The following DIAPH2 variants were observed in gnomAD, a reference collection of about 807,000 sequenced individuals.
DIAPH2 encodes protein diaphanous homolog 2.
A neutral mutation model predicts 92.7 loss-of-function variants in DIAPH2; 35 were observed. That is an observed-to-expected ratio of 0.38 (90% confidence interval 0.29 to 0.50). The LOEUF (loss-of-function observed/expected upper bound fraction) is 0.50, where lower values mean the gene tolerates loss of function less well. Ranked by LOEUF, DIAPH2 falls within the 20% of genes least tolerant of loss-of-function variation. The probability of loss-of-function intolerance (pLI) is 0.94; values close to 1 mark genes in which losing one functional copy is unlikely to be tolerated. For missense variants in DIAPH2, 701 were observed against 819.5 expected (o/e 0.86, Z 1.77); for synonymous variants, 301 against 280.4 (o/e 1.07, Z -0.73).
At chrX:96,885,004 G>A in intron 5 of DIAPH2, 1 of 1,210,916 alleles carries the variant, frequency 8.3e-7, no homozygotes, top group Non-Finnish European at 1.1e-6. Context: ...CGACCTTAGC[G>A]TCAAGGCCAT....
chrX:97,380,849 T>C (rs762368954), intron 24 of DIAPH2, among the ~76,000 whole-genome samples: 2 of 112,126 alleles, frequency 1.8e-5, no homozygotes, highest in Non-Finnish European at 3.8e-5. Context: ...TGTAGATGTT[T>C]TCATTTACTG....
At chrX:97,570,821 C>T (rs1439060129) in intron 26 of DIAPH2, among the ~76,000 whole-genome samples, 2 of 111,337 alleles carry the variant, frequency 1.8e-5, no homozygotes, top group Non-Finnish European at 3.8e-5. Context: ...CCATTGCTAC[C>T]AAAGTTAGTT....
At chrX:97,447,728 T>A (rs1875723210) in intron 26 of DIAPH2, among the ~76,000 whole-genome samples, 1 of 111,444 alleles carries the variant, frequency 9.0e-6, no homozygotes, top group Non-Finnish European at 1.9e-5. Flanking sequence ...CAAACCACCG[T>A]TACATTTTTT....
intron 26 of DIAPH2, among the ~76,000 whole-genome samples, chrX:97,484,999 A>G (rs1277811901): frequency 8.9e-6 from 1 of 112,757 alleles, no homozygotes; most frequent in African/African-American, 3.2e-5. Flanking sequence ...CATAGAGCAG[A>G]ACATTCTTAT....
chrX:97,239,183 A>T (rs1160994722), intron 22 of DIAPH2, among the ~76,000 whole-genome samples: 2 of 111,736 alleles, frequency 1.8e-5, no homozygotes, highest in East Asian at 2.8e-4. Flanking sequence ...TTTTTCTTGC[A>T]TGCATATCTG....
chrX:97,202,747 C>T (rs1402547112), intron 22 of DIAPH2, among the ~76,000 whole-genome samples: 2 of 111,569 alleles, frequency 1.8e-5, no homozygotes, highest in African/African-American at 6.5e-5. Context: ...GACTTTAACA[C>T]CCCACTGTCA....
At chrX:97,188,040 T>C (rs1234887745) in intron 22 of DIAPH2, among the ~76,000 whole-genome samples, 2 of 111,579 alleles carry the variant, frequency 1.8e-5, no homozygotes, top group Non-Finnish European at 3.8e-5. Flanking sequence ...TGGAGAGATA[T>C]TTGGAAGTTG....
chrX:97,433,589 A>G (rs2070151040), intron 26 of DIAPH2, among the ~76,000 whole-genome samples: 1 of 112,003 alleles, frequency 8.9e-6, no homozygotes, highest in Non-Finnish European at 1.9e-5. Context: ...CAGGTGATAA[A>G]TAACGACTCT....
intron 4 of DIAPH2, among the ~76,000 whole-genome samples, chrX:96,781,832 A>G (rs1038182639): frequency 5.4e-5 from 6 of 111,212 alleles, no homozygotes; most frequent in African/African-American, 2.0e-4. Flanking sequence ...TGCAAGGAGA[A>G]TAACTTAAGC....
At chrX:96,757,351 A>G (rs1403352913) in intron 3 of DIAPH2, among the ~76,000 whole-genome samples, 2 of 111,863 alleles carry the variant, frequency 1.8e-5, no homozygotes, top group East Asian at 5.6e-4. Context: ...ATGATTTGTA[A>G]CCATTTTCAC....
intron 26 of DIAPH2, among the ~76,000 whole-genome samples, chrX:97,584,857 G>C (rs1314782598): frequency 2.7e-5 from 3 of 112,544 alleles, no homozygotes; most frequent in African/African-American, 9.7e-5. Context: ...TTGCAAGTTG[G>C]TCCACAAGGA....
At chrX:97,450,881 T>C (rs779213983) in intron 26 of DIAPH2, among the ~76,000 whole-genome samples, 74 of 49,690 alleles carry the variant, frequency 1.5e-3, no homozygotes, top group Non-Finnish European at 6.2e-4. Context: ...TACAATGGGC[T>C]ACTTTTTTTT....
chrX:96,727,906 C>T (rs1191181240), intron 1 of DIAPH2, among the ~76,000 whole-genome samples: 1 of 108,488 alleles, frequency 9.2e-6, no homozygotes, highest in Non-Finnish European at 1.9e-5. Flanking sequence ...ATTAGCCGGG[C>T]ATGATGGCGG....
intron 4 of DIAPH2, among the ~76,000 whole-genome samples, chrX:96,813,912 T>TCC (rs1199243383): frequency 2.7e-5 from 3 of 112,101 alleles, no homozygotes; most frequent in Non-Finnish European, 5.6e-5. Context: ...CTGATGGGCT[T>TCC]CCCTTTGTGG....
At chrX:97,523,819 T>C (rs1429787793) in intron 26 of DIAPH2, among the ~76,000 whole-genome samples, 1 of 112,060 alleles carries the variant, frequency 8.9e-6, no homozygotes, top group African/African-American at 3.2e-5. Context: ...CTATTGATAA[T>C]ATAATTTTCC....
At chrX:97,092,924 C>G (rs2066836584) in intron 19 of DIAPH2, among the ~76,000 whole-genome samples, 1 of 111,068 alleles carries the variant, frequency 9.0e-6, no homozygotes, top group African/African-American at 3.3e-5. Context: ...GTGGCTTACA[C>G]CTATAATCCC....
intron 17 of DIAPH2, among the ~76,000 whole-genome samples, chrX:96,966,145 G>A (rs1225949364): frequency 2.7e-5 from 3 of 111,202 alleles, no homozygotes; most frequent in African/African-American, 9.8e-5. Flanking sequence ...TGCTGTATTT[G>A]TTGTTCTTTG....
chrX:96,960,618 A>G (rs968828327), intron 16 of DIAPH2, among the ~76,000 whole-genome samples: 1 of 111,271 alleles, frequency 9.0e-6, no homozygotes, highest in Non-Finnish European at 1.9e-5. Context: ...GGCTCTGGCT[A>G]GGACTTCCAG....
intron 4 of DIAPH2, among the ~76,000 whole-genome samples, chrX:96,780,870 C>T (rs1015144587): frequency 9.3e-6 from 1 of 107,088 alleles, no homozygotes; most frequent in Admixed American, 1.0e-4. Flanking sequence ...TGCAGTGGCT[C>T]GATCTCACTC....
Sources: gnomAD v4.1 joint callset for allele counts (sites outside exome capture counted in the v4.1 genomes callset) on GRCh38, gnomAD v4.1.1 for gene constraint, MANE v1.5 for transcripts, NCBI Gene and HGNC (gene_info 2026-07-23, HGNC 2026-07-21) for gene names.